The following IGF1R variants were observed in gnomAD, a reference collection of about 807,000 sequenced individuals.
IGF1R encodes insulin-like growth factor 1 receptor.
Under a neutral mutation model 144.6 loss-of-function variants are expected in IGF1R, and 44 were observed. The observed-to-expected ratio is 0.30, with a 90% confidence interval of 0.24 to 0.39. The LOEUF (loss-of-function observed/expected upper bound fraction) is 0.39. IGF1R is among the 10% of genes least tolerant of loss of function. The pLI is 1.00. For synonymous variants in IGF1R, 795 were observed against 722.8 expected (o/e 1.10, Z -1.60); for missense variants, 1,355 against 1,833.7 (o/e 0.74, Z 4.77).
At chr15:98,706,103 A>T (rs2053855157) in intron 1 of IGF1R, among the ~76,000 whole-genome samples, 1 of 152,166 alleles carries the variant, frequency 6.6e-6, no homozygotes, top group South Asian at 2.1e-4. Flanking sequence ...TTCCATTCAC[A>T]TCTAGAGTGG....
chr15:98,861,167 A>G (rs931983855), intron 2 of IGF1R, among the ~76,000 whole-genome samples: 2 of 152,178 alleles, frequency 1.3e-5, no homozygotes, highest in African/African-American at 4.8e-5. Flanking sequence ...CTCAGTAGTG[A>G]AAAAACAAAT....
intron 2 of IGF1R, among the ~76,000 whole-genome samples, chr15:98,741,788 T>C (rs2054752129): frequency 6.6e-6 from 1 of 152,254 alleles, no homozygotes; most frequent in Non-Finnish European, 1.5e-5. Flanking sequence ...GTAAAACTTT[T>C]AATAAATTTA....
intron 1 of IGF1R, among the ~76,000 whole-genome samples, chr15:98,664,373 C>A (rs1239066586): frequency 1.3e-5 from 2 of 152,066 alleles, no homozygotes; most frequent in Non-Finnish European, 2.9e-5. Context: ...GAAGATAATG[C>A]CACCCATCAG....
At chr15:98,815,788 C>A (rs567153194) in intron 2 of IGF1R, among the ~76,000 whole-genome samples, 1 of 152,268 alleles carries the variant, frequency 6.6e-6, no homozygotes, top group South Asian at 2.1e-4. Context: ...GAGTCTTATT[C>A]TACCTAAGTT....
At chr15:98,804,797 A>G (rs902568149) in intron 2 of IGF1R, among the ~76,000 whole-genome samples, 1 of 152,148 alleles carries the variant, frequency 6.6e-6, no homozygotes, top group South Asian at 2.1e-4. Context: ...TCCCCAGTTC[A>G]AGCAATTCTG....
intron 2 of IGF1R, among the ~76,000 whole-genome samples, chr15:98,748,035 A>G (rs2141327771): frequency 6.6e-6 from 1 of 152,348 alleles, no homozygotes; most frequent in South Asian, 2.1e-4. Flanking sequence ...CCTTTTGAAT[A>G]ATTCCAAAAC....
intron 2 of IGF1R, among the ~76,000 whole-genome samples, chr15:98,879,752 G>A (rs774551443): frequency 6.6e-6 from 1 of 152,012 alleles, no homozygotes; most frequent in Non-Finnish European, 1.5e-5. Flanking sequence ...TAATCTTCCC[G>A]TGATATGAAT....
chr15:98,756,248 T>G, intron 2 of IGF1R, among the ~76,000 whole-genome samples: 1 of 88,708 alleles, frequency 1.1e-5, no homozygotes, highest in African/African-American at 3.3e-5. Context: ...GGAAATAACC[T>G]GTTTTTTTTT....
At chr15:98,886,510 TGTTA>T (rs2141644524) in intron 2 of IGF1R, among the ~76,000 whole-genome samples, 1 of 152,292 alleles carries the variant, frequency 6.6e-6, no homozygotes, top group Admixed American at 6.5e-5. Context: ...TCTGTATATT[TGTTA>T]GTTTATAGCA....
chr15:98,803,316 T>C (rs1310846404), intron 2 of IGF1R, among the ~76,000 whole-genome samples: 1 of 152,014 alleles, frequency 6.6e-6, no homozygotes, highest in Non-Finnish European at 1.5e-5. Flanking sequence ...TAAGCATAGA[T>C]AAGGTGCAGT....
intron 2 of IGF1R, among the ~76,000 whole-genome samples, chr15:98,772,600 A>C (rs917023375): frequency 1.1e-4 from 17 of 151,458 alleles, no homozygotes; most frequent in Non-Finnish European, 8.8e-5. Context: ...GGGCTCAAAC[A>C]GTCCTCCTCC....
chr15:98,891,020 C>G lies in IGF1R; in HGVS notation c.641-305C>G, dbSNP rs910387460. On this transcript the variant is annotated intron_variant, in intron 2 of 20. Transcript: ENST00000650285. The surrounding 1 kb of genome is among the most constrained non-coding windows in gnomAD (Gnocchi z 4.7). The stretch of plus-strand genomic sequence containing the variant: ...GGCAACCCTCAAATGTGGGTATTAT[C>G]CCCCTCATTTTACAGATGGGAAGAG... Among the ~76,000 whole-genome samples the G allele has an allele frequency of 1.3e-5, 2 of 152,176 alleles. No individual in the cohort carries two copies. The highest frequency in any genetic ancestry group is 2.4e-5 in the African/African-American group (1 of 41,438).
intron 12 of IGF1R, 37 bp downstream of exon 12, chr15:98,924,049 T>C (rs377685569): frequency 5.9e-5 from 95 of 1,600,142 alleles, no homozygotes; most frequent in African/African-American, 1.6e-4. Context: ...TGCATGTACT[T>C]CCATCCATTG....
intron 2 of IGF1R, among the ~76,000 whole-genome samples, chr15:98,878,804 A>T (rs2013215832): frequency 6.6e-6 from 1 of 151,904 alleles, no homozygotes; most frequent in African/African-American, 2.4e-5. Context: ...CATCCTGGCT[A>T]ACACGGTGAA....
chr15:98,847,591 G>A (rs149701353), intron 2 of IGF1R, among the ~76,000 whole-genome samples: 5 of 152,120 alleles, frequency 3.3e-5, no homozygotes, highest in African/African-American at 7.2e-5. Context: ...GGAAATGCTC[G>A]TTTATAACCA....
rs373760018 is a variant in IGF1R at position 98,906,615 on chromosome 15, G to C, written c.1248-2070G>C. Among the ~76,000 whole-genome samples the C allele has an allele frequency of 2.6e-5, 4 of 152,380 alleles. No homozygotes were observed. In the South Asian group the frequency reaches 6.2e-4, roughly 24 times the overall value. On this transcript the variant is annotated intron_variant, in intron 5 of 20. Transcript: ENST00000650285. ...TCTACCCCCAGCAACAGTAGCGCCA[G>C]CTGGGCCATATCCTGGCACTGCTCC...
At chr15:98,756,284 C>T (rs1307963996) in intron 2 of IGF1R, among the ~76,000 whole-genome samples, 2 of 145,824 alleles carry the variant, frequency 1.4e-5, no homozygotes, top group Non-Finnish European at 3.0e-5. Context: ...GTAAAATTAA[C>T]TGGAAAACTT....
chr15:98,959,060 G>A lies in IGF1R; in HGVS notation c.*1618G>A, dbSNP rs762997187. Reference sequence around the variant, plus strand: ...TCACAGCATTGGAGCCTGTTACAGTGCAAGACATGATACAAACTCAGGTCA... The same window carrying A: ...TCACAGCATTGGAGCCTGTTACAGTACAAGACATGATACAAACTCAGGTCA... On this transcript the variant is annotated 3_prime_UTR_variant, in exon 21 of 21. Coordinates refer to ENST00000650285, the MANE Select transcript of IGF1R (RefSeq NM_000875.5). 8.6e-6 allele frequency: 2 copies of A among 233,114 alleles called. No individual in the cohort carries two copies. Among genetic ancestry groups the A allele is most frequent in the Non-Finnish European group, 1.7e-5 (2 of 118,022 alleles). 14.4% of individuals were successfully genotyped at this position (233,114 alleles called of 1,614,324 possible). A position where few individuals can be genotyped will look rare whatever the true frequency, so the allele number is the denominator to read the frequency against.
At chr15:98,894,621 T>G (rs1834071674) in intron 3 of IGF1R, among the ~76,000 whole-genome samples, 1 of 152,220 alleles carries the variant, frequency 6.6e-6, no homozygotes, top group African/African-American at 2.4e-5. Context: ...TGACAGATTA[T>G]AGCCAGGCAC....
Sources: allele counts gnomAD v4.1 joint callset (sites outside exome capture counted in the v4.1 genomes callset), GRCh38; gene constraint gnomAD v4.1.1; non-coding constraint Gnocchi (gnomAD v3.1); transcripts MANE v1.5; gene names NCBI Gene and HGNC (gene_info 2026-07-23, HGNC 2026-07-21).